ADCY10: variants seen among roughly 807,000 people sequenced by gnomAD.
The protein encoded by ADCY10 is adenylate cyclase 10, also known as adenylate cyclase type 10.
A neutral mutation model predicts 183.3 loss-of-function variants in ADCY10; 156 were observed. The ratio of observed to expected loss-of-function variants is 0.85; its 90% confidence interval spans 0.75 to 0.97. The LOEUF is 0.97. Ranked by LOEUF, ADCY10 falls within the 50% of genes least tolerant of loss-of-function variation. The pLI is 0.00. For synonymous variants in ADCY10, 645 were observed against 670.0 expected (o/e 0.96, Z 0.58); for missense variants, 1,745 against 1,934.3 (o/e 0.90, Z 1.84).
At chr1:167,845,488 C>T in intron 21 of ADCY10, 75 bp downstream of exon 21, 2 of 1,503,258 alleles carry the variant, frequency 1.3e-6, no homozygotes, top group Non-Finnish European at 9.2e-7. Context: ...TCAAGATCCA[C>T]ACCCACTCCT....
intron 31 of ADCY10, among the ~76,000 whole-genome samples, chr1:167,811,845 C>T (rs779428984): frequency 6.0e-4 from 91 of 152,238 alleles, no homozygotes; most frequent in African/African-American, 2.1e-3. Flanking sequence ...TCTGGAGAGA[C>T]GGCAGAGTAG....
intron 8 of ADCY10, among the ~76,000 whole-genome samples, chr1:167,889,096 T>C (rs935739112): frequency 7.9e-5 from 12 of 152,156 alleles, no homozygotes; most frequent in Non-Finnish European, 1.5e-4. Context: ...TCTGATTACA[T>C]AGGACTTCCA....
intron 8 of ADCY10, 91 bp from the exon 9 acceptor site, chr1:167,883,719 G>A: frequency 8.3e-7 from 1 of 1,211,006 alleles, no homozygotes; most frequent in South Asian, 1.2e-5. Flanking sequence ...AATCATCTAG[G>A]GAATGTCTAC....
chr1:167,892,461 A>T (rs1233592152), intron 8 of ADCY10, among the ~76,000 whole-genome samples: 1 of 152,210 alleles, frequency 6.6e-6, no homozygotes, highest in Non-Finnish European at 1.5e-5. Flanking sequence ...CCTCTTCACC[A>T]GGTAAACATT....
At chr1:167,858,576 C>G (rs1426272135) in intron 16 of ADCY10, among the ~76,000 whole-genome samples, 1 of 149,638 alleles carries the variant, frequency 6.7e-6, no homozygotes, top group Non-Finnish European at 1.5e-5. Flanking sequence ...TAATGAATGG[C>G]AATATGCCAT....
intron 13 of ADCY10, 23 bp downstream of exon 13, chr1:167,875,108 T>C: frequency 1.9e-6 from 3 of 1,610,076 alleles, no homozygotes; most frequent in Non-Finnish European, 2.6e-6. Context: ...TAAAGAAGTT[T>C]AAAATCAAGG....
chr1:167,862,105 A>C (rs1250129756), intron 14 of ADCY10, among the ~76,000 whole-genome samples: 16 of 152,190 alleles, frequency 1.1e-4, no homozygotes, highest in Admixed American at 1.0e-3. Context: ...CTAACACATT[A>C]TCTCTCTCCT....
At chr1:167,873,607 C>T (rs1169366129) in intron 13 of ADCY10, among the ~76,000 whole-genome samples, 4 of 152,058 alleles carry the variant, frequency 2.6e-5, no homozygotes, top group Non-Finnish European at 5.9e-5. Flanking sequence ...TAGGTATATC[C>T]CTTCCTCATT....
intron 9 of ADCY10, 116 bp from the exon 10 acceptor site, chr1:167,880,725 C>T: frequency 1.3e-6 from 1 of 761,472 alleles, no homozygotes; most frequent in Non-Finnish European, 2.4e-6. Flanking sequence ...CAGATTTTAT[C>T]ATGATTTCTC....
At chr1:167,829,183 T>C in intron 26 of ADCY10, 84 bp downstream of exon 26, 1 of 1,522,582 alleles carries the variant, frequency 6.6e-7, no homozygotes, top group South Asian at 1.1e-5. Context: ...TCCTCAGAAT[T>C]TTGAATCCTA....
chr1:167,826,980 T>C (rs575385218), intron 26 of ADCY10, among the ~76,000 whole-genome samples: 38 of 152,280 alleles, frequency 2.5e-4, no homozygotes, highest in African/African-American at 8.7e-4. Flanking sequence ...TCAATCTTGA[T>C]GGGCTTTATA....
At chr1:167,905,269 T>C in intron 1 of ADCY10, 71 bp from the exon 2 acceptor site, 2 of 1,209,894 alleles carry the variant, frequency 1.7e-6, no homozygotes, top group Non-Finnish European at 2.4e-6. Flanking sequence ...TCTTTCTCCA[T>C]TTGTTTTGTT....
intron 7 of ADCY10, 73 bp downstream of exon 7, chr1:167,896,522 G>T: frequency 1.7e-6 from 2 of 1,202,872 alleles, no homozygotes; most frequent in African/African-American, 1.5e-5. Flanking sequence ...CAGTAATGAA[G>T]CTGTCGGCAT....
chr1:167,901,796 A>G lies in ADCY10; in HGVS notation c.302T>C (p.Leu101Pro), dbSNP rs77961612. Reference sequence around the variant, plus strand: ...TCGCTCCACCCTCCACAGGGCTAGCAGTGCATCACCTTCAGAGAGAGACAT... The same window carrying G: ...TCGCTCCACCCTCCACAGGGCTAGCGGTGCATCACCTTCAGAGAGAGACAT... The part of the protein sequence containing the change: ...GDILKFAGDA[L>P]LALWRVERKQ... The change falls in exon 5 of 33, where the codon CTG (leucine) becomes CCG (proline). Residue 101 changes from leucine to proline, a missense_variant. Transcript: ENST00000367851. 2 of 1,614,232 alleles carry G rather than the reference A, an allele frequency of 1.2e-6. No homozygotes were observed. Among genetic ancestry groups the G allele is most frequent in the Non-Finnish European group, 1.7e-6 (2 of 1,180,042 alleles).
chr1:167,809,667 T>G lies in ADCY10; in HGVS notation c.*11A>C. 6.2e-7 allele frequency: 1 copy of G among 1,614,010 alleles called. No individual in the cohort carries two copies. Among genetic ancestry groups the G allele is most frequent in the Non-Finnish European group, 8.5e-7 (1 of 1,179,842 alleles). ...ACATAGTGCTTATTAAAATCTTTTTTCTTTGACATGTTAGAAATGATTGTC... is the reference window on the plus strand; with the variant it reads ...ACATAGTGCTTATTAAAATCTTTTTGCTTTGACATGTTAGAAATGATTGTC... On this transcript the variant is annotated 3_prime_UTR_variant, in exon 33 of 33. Coordinates refer to ENST00000367851, the MANE Select transcript of ADCY10 (RefSeq NM_018417.6).
At chr1:167,884,537 A>G (rs1571399598) in intron 8 of ADCY10, among the ~76,000 whole-genome samples, 1 of 152,058 alleles carries the variant, frequency 6.6e-6, no homozygotes, top group East Asian at 1.9e-4. Context: ...TTTTTACTAT[A>G]GTTACCCTGT....
chr1:167,841,075 G>A (rs1449564405), intron 21 of ADCY10, among the ~76,000 whole-genome samples: 1 of 151,750 alleles, frequency 6.6e-6, no homozygotes, highest in Non-Finnish European at 1.5e-5. Context: ...TGAGTAGCTG[G>A]GGCTACAGGC....
intron 21 of ADCY10, among the ~76,000 whole-genome samples, chr1:167,842,928 G>C (rs1372612778): frequency 6.6e-6 from 1 of 152,160 alleles, no homozygotes; most frequent in African/African-American, 2.4e-5. Flanking sequence ...CCCCTGACTG[G>C]AATTACTGAA....
At chr1:167,910,010 T>G (rs575553156) in intron 1 of ADCY10, among the ~76,000 whole-genome samples, 1 of 152,338 alleles carries the variant, frequency 6.6e-6, no homozygotes, top group South Asian at 2.1e-4. Context: ...CAATCTATTA[T>G]GACCCTTTCA....
Sources: gnomAD v4.1 joint callset for allele counts (sites outside exome capture counted in the v4.1 genomes callset) on GRCh38, gnomAD v4.1.1 for gene constraint, MANE v1.5 for transcripts, NCBI Gene and HGNC (gene_info 2026-07-23, HGNC 2026-07-21) for gene names.